The following COL4A1 variants were observed in gnomAD, a reference collection of about 807,000 sequenced individuals.
COL4A1 encodes collagen type IV alpha 1 chain.
In COL4A1, 40 loss-of-function variants were observed where a neutral mutation model predicts 216.6. The ratio of observed to expected loss-of-function variants is 0.18; its 90% CI spans 0.14 to 0.24. The LOEUF (loss-of-function observed/expected upper bound fraction) is 0.24, where lower values mean the gene tolerates loss of function less well. COL4A1 is among the 10% of genes least tolerant of loss of function. The pLI is 1.00. For synonymous variants in COL4A1, 839 were observed against 810.7 expected (o/e 1.03, Z -0.59); for missense variants, 1,628 against 2,196.8 (o/e 0.74, Z 5.18).
intron 1 of COL4A1, among the ~76,000 whole-genome samples, chr13:110,286,753 C>T (rs1883861161): frequency 6.6e-6 from 1 of 152,210 alleles, no homozygotes; most frequent in African/African-American, 2.4e-5. Context: ...GCTTGCATTA[C>T]ATGGATGCCT....
intron 45 of COL4A1, among the ~76,000 whole-genome samples, chr13:110,165,872 G>A (rs933562078): frequency 2.6e-5 from 4 of 152,084 alleles, no homozygotes; most frequent in Non-Finnish European, 5.9e-5. Flanking sequence ...AATGCACTCC[G>A]TCTCTAAGTG....
intron 1 of COL4A1, among the ~76,000 whole-genome samples, chr13:110,274,824 G>C (rs1883373112): frequency 1.3e-5 from 2 of 152,222 alleles, no homozygotes; most frequent in African/African-American, 4.8e-5. Flanking sequence ...CCATAAAGCA[G>C]TGATTGTGCC....
At chr13:110,215,569 A>T in intron 2 of COL4A1, among the ~76,000 whole-genome samples, 1 of 150,980 alleles carries the variant, frequency 6.6e-6, no homozygotes, top group South Asian at 2.1e-4. Context: ...TCAAAAAAAA[A>T]AAAAAAACAA....
chr13:110,192,770 G>A (rs1878697626), intron 23 of COL4A1, 60 bp downstream of exon 23: 1 of 1,450,176 alleles, frequency 6.9e-7, no homozygotes, highest in African/African-American at 1.4e-5. Flanking sequence ...CCTTTCACAG[G>A]AAAGATGCCA....
chr13:110,234,150 G>A (rs934237906), intron 2 of COL4A1, among the ~76,000 whole-genome samples: 1 of 152,186 alleles, frequency 6.6e-6, no homozygotes, highest in African/African-American at 2.4e-5. Flanking sequence ...AGCAACTCTG[G>A]GGAATTTCCA....
intron 1 of COL4A1, chr13:110,265,443 T>C (rs1289122178): frequency 6.6e-6 from 1 of 152,258 alleles, no homozygotes; most frequent in African/African-American, 2.4e-5. Flanking sequence ...GTCGCATTCA[T>C]AGCGCACAGC....
intron 1 of COL4A1, among the ~76,000 whole-genome samples, chr13:110,260,299 G>A (rs999514719): frequency 6.6e-6 from 1 of 152,176 alleles, no homozygotes; most frequent in African/African-American, 2.4e-5. Context: ...CGCAACTCTT[G>A]AGACTTATTC....
intron 2 of COL4A1, among the ~76,000 whole-genome samples, chr13:110,234,689 C>T (rs1348164106): frequency 2.0e-5 from 3 of 152,188 alleles, no homozygotes. Flanking sequence ...ATTACAGGCT[C>T]TGAGACATCC....
chr13:110,296,991 C>G (rs1252409441), intron 1 of COL4A1, among the ~76,000 whole-genome samples: 2 of 152,184 alleles, frequency 1.3e-5, no homozygotes, highest in Non-Finnish European at 2.9e-5. Flanking sequence ...GGCATGCCAC[C>G]TTCTAGGAAC....
chr13:110,187,437 G>A lies in COL4A1; in HGVS notation c.1537-108C>T, dbSNP rs535911724. ...ATCAAGAAGCCACCTTCTTGAAAAT[G>A]GTCATGCATTCATGCCTCATCATTG... On this transcript the variant is annotated intron_variant, in intron 24 of 51. Transcript: ENST00000375820. 13 of 1,285,890 alleles carry A rather than the reference G, an allele frequency of 1.0e-5. No homozygotes were observed. The South Asian group carries it at 1.5e-4, about 15-fold the overall frequency. The allele number at this position is 1,285,890 out of a possible 1,614,324, so 79.7% of individuals were successfully genotyped here.
At position 110,169,497 on chromosome 13, in the gene COL4A1, A is replaced by AAC. The variant is rs3832901; in HGVS notation, c.3876+130_3876+131dup. On this transcript the variant is annotated intron_variant, in intron 43 of 51. Transcript: ENST00000375820. ...TGATTTAGTGGGGATGTGGGAGTGT[A>AAC]ACACACACACACACACACACACACA... is the stretch of plus-strand genomic sequence containing the variant. 0.18 allele frequency: 206,924 copies of AAC among 1,139,432 alleles called. 2,174 individuals carry two copies. Among genetic ancestry groups the AAC allele is most frequent in the South Asian group, 0.23 (14,315 of 62,038 alleles). 70.6% of individuals were successfully genotyped at this position (1,139,432 alleles called of 1,614,324 possible).
intron 49 of COL4A1, among the ~76,000 whole-genome samples, chr13:110,159,493 C>A (rs939381427): frequency 2.6e-5 from 4 of 152,138 alleles, no homozygotes; most frequent in African/African-American, 9.7e-5. Context: ...GGACCCTGTG[C>A]GCTGTGGCAG....
chr13:110,214,117 G>T, intron 2 of COL4A1, 102 bp from the exon 3 acceptor site: 1 of 950,664 alleles, frequency 1.1e-6, no homozygotes, highest in Non-Finnish European at 1.7e-6. Context: ...TTTTTGAGAT[G>T]GAGTCTCATT....
At chr13:110,192,960 A>G (rs771556230) in intron 22 of COL4A1, 47 bp from the exon 23 acceptor site, 15 of 1,536,976 alleles carry the variant, frequency 9.8e-6, no homozygotes, top group Non-Finnish European at 1.4e-5. Context: ...TGTGACCAGA[A>G]GTCTCCGCAG....
At position 110,150,284 on chromosome 13, in the gene COL4A1, A is replaced by G. The variant is rs899975533; in HGVS notation, c.*79T>C. On this transcript the variant is annotated 3_prime_UTR_variant, in exon 52 of 52. Transcript: ENST00000375820. ...TATTGGACAGTGAGGTACACAGGAT[A>G]TATTTCTAGGGTTCGTTGCTGTTAA... The G allele has an allele frequency of 4.5e-6, 6 of 1,333,800 alleles. No homozygotes were observed. In the Admixed American group the frequency reaches 7.7e-5, roughly 17 times the overall value. 82.6% of individuals were successfully genotyped at this position (1,333,800 alleles called of 1,614,324 possible).
Position 110,149,646 on chromosome 13 carries a change from CTTTAT to C in COL4A1, c.*712_*716del, listed in dbSNP as rs1266943152. 4.6e-5 allele frequency: 7 copies of C among 152,616 alleles called. No individual in the cohort carries two copies. Among genetic ancestry groups the C allele is most frequent in the African/African-American group, 1.7e-4 (7 of 41,554 alleles). 9.5% of individuals were successfully genotyped at this position (152,616 alleles called of 1,614,324 possible). A position where few individuals can be genotyped will look rare whatever the true frequency, so the allele number is the denominator to read the frequency against. The stretch of plus-strand genomic sequence containing the variant: ...TTTCAAAGGAAGAAAACTATGTAAG[CTTTAT>C]TTTAACAGTGGAAGTTAAACTAAAC... On this transcript the variant is annotated 3_prime_UTR_variant, in exon 52 of 52. Transcript: ENST00000375820.
intron 2 of COL4A1, among the ~76,000 whole-genome samples, chr13:110,239,099 G>C (rs536196829): frequency 6.6e-6 from 1 of 152,094 alleles, no homozygotes; most frequent in African/African-American, 2.4e-5. Flanking sequence ...ACTCAGCAAA[G>C]ACTCTCTGAA....
chr13:110,191,614 G>T (rs1031747239), intron 24 of COL4A1: 5 of 684,746 alleles, frequency 7.3e-6, no homozygotes, highest in Non-Finnish European at 1.3e-5. Flanking sequence ...ATGTCAATGT[G>T]ATCCGGATAT....
intron 1 of COL4A1, among the ~76,000 whole-genome samples, chr13:110,243,913 A>C (rs1026453650): frequency 6.6e-6 from 1 of 152,354 alleles, no homozygotes. Flanking sequence ...ATCACATGAA[A>C]AGATAGAAAT....
Sources: gnomAD v4.1 joint callset for allele counts (sites outside exome capture counted in the v4.1 genomes callset) on GRCh38, gnomAD v4.1.1 for gene constraint, MANE v1.5 for transcripts, NCBI Gene and HGNC (gene_info 2026-07-23, HGNC 2026-07-21) for gene names.